The following C9 variants were observed in gnomAD, a reference collection of about 807,000 sequenced individuals.
The protein encoded by C9 is complement component C9.
C9 carries 63 observed loss-of-function variants against 65.4 expected under a neutral mutation model. The ratio of observed to expected loss-of-function variants is 0.96; its 90% CI spans 0.79 to 1.19. The LOEUF (loss-of-function observed/expected upper bound fraction) is 1.19, where lower values mean the gene tolerates loss of function less well. Among genes scored for constraint, C9 ranks in the 50% most tolerant of loss-of-function variants. C9 has a pLI of 0.00. For synonymous variants in C9, 229 were observed against 227.9 expected (o/e 1.00, Z -0.04); for missense variants, 744 against 670.1 (o/e 1.11, Z -1.22).
chr5:39,336,223 C>T (rs1374621131), intron 4 of C9, among the ~76,000 whole-genome samples: 1 of 151,614 alleles, frequency 6.6e-6, no homozygotes, highest in African/African-American at 2.4e-5. Flanking sequence ...TTTTAATAGG[C>T]TTTACTTTTT....
intron 1 of C9, among the ~76,000 whole-genome samples, chr5:39,346,468 C>A (rs370902546): frequency 6.6e-6 from 1 of 152,014 alleles, no homozygotes; most frequent in Non-Finnish European, 1.5e-5. Flanking sequence ...AAGACTAAAC[C>A]AGGAAGAAGT....
At position 39,299,586 on chromosome 5, in the gene C9, T is replaced by C. The variant is rs555892267; in HGVS notation, c.1416+7031A>G. On this transcript the variant is annotated intron_variant, in intron 9 of 10. Coordinates refer to ENST00000263408, the MANE Select transcript of C9 (RefSeq NM_001737.5). ...TGGATCTCAAATGTGTAACACTAAG[T>C]GAAAGAAGCCAAATTCAAAAAGTTA... Among the ~76,000 whole-genome samples the C allele has an allele frequency of 6.1e-3, 933 of 152,180 alleles. 9 individuals carry two copies. The highest frequency in any genetic ancestry group is 0.021 in the African/African-American group (881 of 41,532).
chr5:39,290,837 A>T (rs1224781694), intron 9 of C9, among the ~76,000 whole-genome samples: 1 of 151,902 alleles, frequency 6.6e-6, no homozygotes, highest in African/African-American at 2.4e-5. Flanking sequence ...CAAGGTAGAC[A>T]TGCTATCCTT....
At chr5:39,299,129 A>G (rs1255623646) in intron 9 of C9, among the ~76,000 whole-genome samples, 1 of 151,994 alleles carries the variant, frequency 6.6e-6, no homozygotes. Context: ...ACAATGCAAT[A>G]ATGCAAGAAA....
intron 1 of C9, among the ~76,000 whole-genome samples, chr5:39,352,558 C>T (rs922694519): frequency 2.0e-5 from 3 of 152,186 alleles, no homozygotes; most frequent in African/African-American, 7.2e-5. Flanking sequence ...TCTCATCCTG[C>T]ACTCCAATCC....
chr5:39,323,990 T>C (rs940575253), intron 5 of C9, among the ~76,000 whole-genome samples: 1 of 152,124 alleles, frequency 6.6e-6, no homozygotes, highest in African/African-American at 2.4e-5. Flanking sequence ...AAAATCAACA[T>C]GCAAAAGTCT....
Position 39,288,940 on chromosome 5 carries a change from T to C in C9, c.1428A>G (p.Ile476Met), listed in dbSNP as rs139889293. The change falls in exon 10 of 11, where the codon ATA (isoleucine) becomes ATG (methionine). Residue 476 changes from isoleucine (I) to methionine (M), a missense_variant. Transcript: ENST00000263408. ...TCATTTTCACTGGAACCAGATTATA[T>C]ATAGGAGACAGCTGAAAGGAAGCAA... ...PVLISQKLSPIYNLVPVKMKN... is the reference protein window; with the variant it reads ...PVLISQKLSPMYNLVPVKMKN... 41 of 1,589,532 alleles carry C rather than the reference T, an allele frequency of 2.6e-5. No individual in the cohort carries two copies. In the African/African-American group the frequency reaches 4.6e-4, roughly 18 times the overall value.
intron 9 of C9, among the ~76,000 whole-genome samples, chr5:39,305,614 A>G (rs1438828041): frequency 6.6e-6 from 1 of 152,140 alleles, no homozygotes; most frequent in Admixed American, 6.5e-5. Flanking sequence ...TAAAAGAAGT[A>G]AAGAAAAATG....
chr5:39,346,128 AAC>A (rs2111964419), intron 1 of C9, among the ~76,000 whole-genome samples: 1 of 152,338 alleles, frequency 6.6e-6, no homozygotes, highest in Admixed American at 6.5e-5. Flanking sequence ...AGCAAGAGCA[AAC>A]ACATTCAAAA....
chr5:39,286,732 A>G (rs1204817546), intron 10 of C9, among the ~76,000 whole-genome samples: 1 of 151,860 alleles, frequency 6.6e-6, no homozygotes, highest in Admixed American at 6.6e-5. Context: ...TTTTTTTGGA[A>G]CGCAAAGCAC....
At chr5:39,360,670 T>A (rs1360450152) in intron 1 of C9, among the ~76,000 whole-genome samples, 1 of 152,046 alleles carries the variant, frequency 6.6e-6, no homozygotes, top group African/African-American at 2.4e-5. Context: ...AACATATATA[T>A]GGCCTTTCAA....
At chr5:39,288,608 T>C in intron 10 of C9, 115 bp downstream of exon 10, 1 of 678,242 alleles carries the variant, frequency 1.5e-6, no homozygotes, top group Non-Finnish European at 2.7e-6. Flanking sequence ...TTATCTTCTG[T>C]TTATATAAAT....
At chr5:39,288,473 T>C (rs1579835141) in intron 10 of C9, among the ~76,000 whole-genome samples, 1 of 151,840 alleles carries the variant, frequency 6.6e-6, no homozygotes, top group South Asian at 2.1e-4. Flanking sequence ...TAAGAATATT[T>C]TTATAAAGAG....
intron 4 of C9, among the ~76,000 whole-genome samples, chr5:39,337,639 A>G (rs1753994333): frequency 1.3e-5 from 2 of 152,266 alleles, no homozygotes; most frequent in Admixed American, 1.3e-4. Context: ...AAGTGGTGTT[A>G]TGCTTAGATC....
intron 9 of C9, among the ~76,000 whole-genome samples, chr5:39,292,558 T>C (rs1753116061): frequency 6.6e-6 from 1 of 151,958 alleles, no homozygotes; most frequent in Non-Finnish European, 1.5e-5. Flanking sequence ...TCATGAGCTC[T>C]GAGCATAACT....
At position 39,341,143 on chromosome 5, in the gene C9, C is replaced by T. The variant is rs1266589645; in HGVS notation, c.476+3G>A. The T allele has an allele frequency of 3.7e-6, 6 of 1,613,950 alleles. No individual in the cohort carries two copies. Among genetic ancestry groups the T allele is most frequent in the Admixed American group, 1.7e-5 (1 of 60,008 alleles). On this transcript the variant is annotated splice_donor_region_variant and intron_variant, in intron 4 of 10. Transcript: ENST00000263408. The stretch of plus-strand genomic sequence containing the variant: ...TCTGAAAAAGTACAAGTAAAATACA[C>T]ACCCATAGCCTGCTGTTCGTGCCAG...
At chr5:39,299,319 C>T (rs549915614) in intron 9 of C9, among the ~76,000 whole-genome samples, 1 of 152,118 alleles carries the variant, frequency 6.6e-6, no homozygotes, top group Admixed American at 6.5e-5. Context: ...CAAGCAATCT[C>T]TCTCCTAGAG....
At chr5:39,351,814 C>T (rs1754329152) in intron 1 of C9, among the ~76,000 whole-genome samples, 2 of 152,144 alleles carry the variant, frequency 1.3e-5, no homozygotes, top group Admixed American at 6.5e-5. Flanking sequence ...CTCATTTTCC[C>T]TTCCTGTCTT....
At chr5:39,305,184 G>A (rs1167664567) in intron 9 of C9, among the ~76,000 whole-genome samples, 2 of 151,998 alleles carry the variant, frequency 1.3e-5, no homozygotes, top group African/African-American at 4.8e-5. Context: ...AGATCAAAGA[G>A]GCATCCTCTG....
Sources: gnomAD v4.1 joint callset for allele counts (sites outside exome capture counted in the v4.1 genomes callset) on GRCh38, gnomAD v4.1.1 for gene constraint, MANE v1.5 for transcripts, NCBI Gene and HGNC (gene_info 2026-07-23, HGNC 2026-07-21) for gene names.